Variants in NTRK3 observed in about 807,000 individuals in gnomAD.
The protein encoded by NTRK3 is NT-3 growth factor receptor.
In NTRK3, 24 loss-of-function variants were observed where a neutral mutation model predicts 91.7. The ratio of observed to expected loss-of-function variants is 0.26; its 90% CI spans 0.19 to 0.37. The LOEUF (loss-of-function observed/expected upper bound fraction) is 0.37, where lower values mean the gene tolerates loss of function less well. Ranked by LOEUF, NTRK3 falls within the 10% of genes least tolerant of loss-of-function variation. The pLI, the probability that NTRK3 is intolerant of heterozygous loss-of-function variation, is 1.00. For synonymous variants in NTRK3, 483 were observed against 404.0 expected, an observed-to-expected ratio of 1.20 and a Z score of -2.34; for missense variants, 880 against 1,068.9, an observed-to-expected ratio of 0.82 and a Z score of 2.46.
rs548936571 is a variant in NTRK3, at chr15:88,008,379, G to A, written c.1585+24478C>T. ...AGTTTCCTCATCTGTAAAGCAACAA[G>A]AGTAGATGCAAGTGCCAAATTCACT... On this transcript the variant is annotated intron_variant, in intron 14 of 18. Transcript: ENST00000394480. Among the ~76,000 whole-genome samples the A allele has an allele frequency of 2.0e-5, 3 of 152,212 alleles. No individual in the cohort carries two copies. The East Asian group carries it at 5.8e-4, about 29-fold the overall frequency.
intron 6 of NTRK3, among the ~76,000 whole-genome samples, chr15:88,140,534 C>T (rs1300016360): frequency 2.0e-5 from 3 of 152,204 alleles, no homozygotes; most frequent in Non-Finnish European, 4.4e-5. Flanking sequence ...CTACTGACGG[C>T]CTCAAAGAGC....
At chr15:88,218,571 G>A (rs1359085421) in intron 3 of NTRK3, among the ~76,000 whole-genome samples, 1 of 152,232 alleles carries the variant, frequency 6.6e-6, no homozygotes, top group Non-Finnish European at 1.5e-5. Context: ...CATAGGACGT[G>A]ATGATTCTGA....
chr15:88,194,674 T>G (rs1168170794), intron 3 of NTRK3, among the ~76,000 whole-genome samples: 1 of 152,134 alleles, frequency 6.6e-6, no homozygotes, highest in African/African-American at 2.4e-5. Flanking sequence ...AATGAATTAG[T>G]TGGAATATAA....
At chr15:88,127,612 G>A (rs1316822506) in intron 11 of NTRK3, among the ~76,000 whole-genome samples, 1 of 152,184 alleles carries the variant, frequency 6.6e-6, no homozygotes, top group African/African-American at 2.4e-5. Flanking sequence ...TACTGGTGGT[G>A]GCAGCTGTTG....
intron 3 of NTRK3, among the ~76,000 whole-genome samples, chr15:88,206,206 G>T (rs1363450390): frequency 6.7e-6 from 1 of 149,448 alleles, no homozygotes; most frequent in South Asian, 2.1e-4. Flanking sequence ...TTAGCCGGGC[G>T]AGGTGGCGGG....
At chr15:88,148,301 G>A (rs1174829665) in intron 5 of NTRK3, among the ~76,000 whole-genome samples, 1 of 152,186 alleles carries the variant, frequency 6.6e-6, no homozygotes, top group African/African-American at 2.4e-5. Context: ...AATATTTATT[G>A]AGGCTACACT....
exon 19 of NTRK3, chr15:87,875,562 A>T (rs556906984): frequency 4.3e-6 from 1 of 232,456 alleles, no homozygotes; most frequent in Non-Finnish European, 8.5e-6. Flanking sequence ...CCTTCCCCCT[A>T]CCCCAGCCCA....
intron 14 of NTRK3, among the ~76,000 whole-genome samples, chr15:87,974,096 T>A (rs1259084985): frequency 6.6e-6 from 1 of 152,128 alleles, no homozygotes; most frequent in Non-Finnish European, 1.5e-5. Context: ...AGATGCTTGA[T>A]CCTTTGCTCA....
chr15:87,939,640 G>A (rs1048145525), intron 15 of NTRK3, among the ~76,000 whole-genome samples: 1 of 152,098 alleles, frequency 6.6e-6, no homozygotes, highest in Admixed American at 6.5e-5. Flanking sequence ...TGTGAGGTCT[G>A]GGTGAATGTC....
At chr15:88,038,354 A>C (rs1196140618) in intron 13 of NTRK3, among the ~76,000 whole-genome samples, 1 of 152,196 alleles carries the variant, frequency 6.6e-6, no homozygotes, top group Non-Finnish European at 1.5e-5. Context: ...ACATTCCTTA[A>C]AAGAAAACCC....
At position 88,255,790 on chromosome 15, in the gene NTRK3, G is replaced by T. The variant is rs912200351; in HGVS notation, c.248+116C>A. Reference sequence around the variant, plus strand: ...AGAGCGAGCCTGACGCGCGCCCAGCGGGCGGCGGGCAGCGGCGAGCTGGGG... The same window carrying T: ...AGAGCGAGCCTGACGCGCGCCCAGCTGGCGGCGGGCAGCGGCGAGCTGGGG... On this transcript the variant is annotated intron_variant, in intron 3 of 18. Coordinates refer to ENST00000394480, the Ensembl canonical transcript of NTRK3. The surrounding 1 kb of genome is among the most constrained non-coding windows in gnomAD (Gnocchi z 4.3). 2.2e-5 allele frequency: 18 copies of T among 835,368 alleles called. No homozygotes were observed. The highest frequency in any genetic ancestry group is 5.5e-5 in the African/African-American group (3 of 54,506). 51.7% of individuals were successfully genotyped at this position (835,368 alleles called of 1,614,324 possible).
chr15:88,256,607 G>A lies in NTRK3; in HGVS notation c.-219+37C>T, dbSNP rs545809925. On this transcript the variant is annotated intron_variant, in intron 1 of 18. Transcript: ENST00000394480. ...ATTAAAACGGACACACCACGCACCT[G>A]CAAAACACACACACTCACTCTCACA... The A allele has an allele frequency of 3.2e-5, 15 of 472,910 alleles. No individual in the cohort carries two copies. In the South Asian group the frequency reaches 8.2e-4, roughly 26 times the overall value. 29.3% of individuals were successfully genotyped at this position (472,910 alleles called of 1,614,324 possible).
At chr15:87,869,988 G>A (rs889960561) in exon 19 of NTRK3, 2 of 192,686 alleles carry the variant, frequency 1.0e-5, no homozygotes, top group African/African-American at 2.3e-5. Flanking sequence ...GGGTTTTAGG[G>A]ATGTTGCATG....
intron 5 of NTRK3, among the ~76,000 whole-genome samples, chr15:88,165,138 G>C (rs539880795): frequency 7.2e-4 from 109 of 152,280 alleles, no homozygotes; most frequent in South Asian, 1.9e-3. Flanking sequence ...GAAACAAGCG[G>C]GAACAGAACA....
At chr15:88,182,799 T>C (rs543171614) in intron 5 of NTRK3, among the ~76,000 whole-genome samples, 3 of 152,254 alleles carry the variant, frequency 2.0e-5, no homozygotes, top group South Asian at 2.1e-4. Flanking sequence ...GCATCAACTC[T>C]TGTGATTCTA....
intron 13 of NTRK3, among the ~76,000 whole-genome samples, chr15:88,100,130 C>T (rs1352554842): frequency 6.6e-6 from 1 of 152,204 alleles, no homozygotes; most frequent in African/African-American, 2.4e-5. Context: ...CCTGTGTTCC[C>T]TAAAACCCCC....
intron 13 of NTRK3, among the ~76,000 whole-genome samples, chr15:88,052,332 T>A (rs1473694386): frequency 6.6e-6 from 1 of 152,052 alleles, no homozygotes; most frequent in South Asian, 2.1e-4. Flanking sequence ...ATGGTGAAAA[T>A]AGGAAGCTAT....
intron 17 of NTRK3, among the ~76,000 whole-genome samples, chr15:87,903,155 C>T (rs1460381187): frequency 6.6e-6 from 1 of 152,218 alleles, no homozygotes; most frequent in Non-Finnish European, 1.5e-5. Context: ...ATCAGAGGAA[C>T]CAGCTAAGGC....
At chr15:87,953,163 T>C (rs551682256) in intron 14 of NTRK3, among the ~76,000 whole-genome samples, 1 of 152,144 alleles carries the variant, frequency 6.6e-6, no homozygotes, top group African/African-American at 2.4e-5. Flanking sequence ...CCTGAACCTC[T>C]CCCACCCTAC....
Sources: allele counts gnomAD v4.1 joint callset (sites outside exome capture counted in the v4.1 genomes callset), GRCh38; gene constraint gnomAD v4.1.1; non-coding constraint Gnocchi (gnomAD v3.1); transcripts MANE v1.5; gene names NCBI Gene and HGNC (gene_info 2026-07-23, HGNC 2026-07-21).